Variants in SORCS2 observed in about 807,000 individuals in gnomAD.
SORCS2 encodes the protein VPS10 domain-containing receptor SorCS2.
In SORCS2, 100 loss-of-function variants were observed where a neutral mutation model predicts 141.6. That is an observed-to-expected ratio of 0.71 (90% confidence interval 0.60 to 0.83). The LOEUF (loss-of-function observed/expected upper bound fraction) is 0.83, where lower values mean the gene tolerates loss of function less well. Ranked by LOEUF, SORCS2 falls within the 40% of genes least tolerant of loss-of-function variation. The probability of loss-of-function intolerance (pLI) is 0.00; values close to 1 mark genes in which losing one functional copy is unlikely to be tolerated. For synonymous variants in SORCS2, 789 were observed against 676.9 expected (o/e 1.17, Z -2.57); for missense variants, 1,646 against 1,560.2 (o/e 1.05, Z -0.93).
intron 11 of SORCS2, among the ~76,000 whole-genome samples, chr4:7,693,064 G>C (rs1381215816): frequency 1.3e-5 from 2 of 152,226 alleles, no homozygotes; most frequent in Non-Finnish European, 2.9e-5. Flanking sequence ...CCCTGGCCGA[G>C]GGTGCCGGTG....
chr4:7,247,963 G>A (rs187677989), intron 1 of SORCS2, among the ~76,000 whole-genome samples: 102 of 152,344 alleles, frequency 6.7e-4, no homozygotes, highest in African/African-American at 2.3e-3. Context: ...CTTACTCCAT[G>A]TATGACAGGA....
At chr4:7,716,120 T>C (rs529893304) in intron 17 of SORCS2, among the ~76,000 whole-genome samples, 1 of 152,348 alleles carries the variant, frequency 6.6e-6, no homozygotes, top group South Asian at 2.1e-4. Context: ...AGCCTTCAGC[T>C]TTAGGAGGTC....
chr4:7,426,789 G>A (rs538448318), intron 2 of SORCS2, among the ~76,000 whole-genome samples: 3 of 152,168 alleles, frequency 2.0e-5, no homozygotes, highest in South Asian at 2.1e-4. Flanking sequence ...CACAGGTAGC[G>A]AGTGGTGAGG....
rs1028381550 is a variant in SORCS2, at chr4:7,568,457, G to A, written c.648+36828G>A. Among the ~76,000 whole-genome samples, 3 of 152,262 alleles carry A rather than the reference G, an allele frequency of 2.0e-5. No homozygotes were observed. In the South Asian group the frequency reaches 6.2e-4, roughly 32 times the overall value. On this transcript the variant is annotated intron_variant, in intron 3 of 26. Transcript: ENST00000507866. The stretch of plus-strand genomic sequence containing the variant: ...CTGCTTAATGACAGGCTGTGCACTT[G>A]CGATGTGCTACATACTCTCTCCAGA...
At chr4:7,527,968 C>T (rs1191624703) in intron 2 of SORCS2, among the ~76,000 whole-genome samples, 3 of 152,112 alleles carry the variant, frequency 2.0e-5, no homozygotes, top group Admixed American at 6.5e-5. Context: ...ACTCTCTGGA[C>T]GTGCCTGTTG....
rs557686168 is a variant in SORCS2 at position 7,527,969 on chromosome 4, G to A, written c.549-3561G>A. On this transcript the variant is annotated intron_variant, in intron 2 of 26. Coordinates refer to ENST00000507866, the MANE Select transcript of SORCS2 (RefSeq NM_020777.3). ...TAGCGTCTCCCAGGACTCTCTGGAC[G>A]TGCCTGTTGGCATCGCTGCTCCCGG... Among the ~76,000 whole-genome samples the A allele has an allele frequency of 5.3e-5, 8 of 152,162 alleles. No homozygotes were observed. The South Asian group carries it at 1.2e-3, about 24-fold the overall frequency.
intron 1 of SORCS2, among the ~76,000 whole-genome samples, chr4:7,394,406 G>GA (rs35349716): frequency 0.14 from 20,271 of 145,622 alleles, 1,618 homozygotes; most frequent in Non-Finnish European, 0.17. Context: ...GGCAGGGTTG[G>GA]AGGGGGGGTG....
intron 3 of SORCS2, among the ~76,000 whole-genome samples, chr4:7,601,867 T>A (rs1717711513): frequency 1.3e-5 from 2 of 152,152 alleles, no homozygotes; most frequent in South Asian, 4.2e-4. Context: ...GGAGCGGTGA[T>A]GACTCTTAAC....
chr4:7,292,191 C>T (rs111622585), intron 1 of SORCS2, among the ~76,000 whole-genome samples: 9 of 151,492 alleles, frequency 5.9e-5, no homozygotes, highest in Admixed American at 5.9e-4. Flanking sequence ...CCACCATTGA[C>T]AGTCTGTTCA....
Position 7,377,371 on chromosome 4 carries a change from G to A in SORCS2, c.481-18917G>A, listed in dbSNP as rs575010545. On this transcript the variant is annotated intron_variant, in intron 1 of 26. Coordinates refer to ENST00000507866, the MANE Select transcript of SORCS2 (RefSeq NM_020777.3). Reference sequence around the variant, plus strand: ...GGGGCTGTGACGGGGGGGACAGATCGGACCTTCTGCCAAGGGTCTGATTCC... The same window carrying A: ...GGGGCTGTGACGGGGGGGACAGATCAGACCTTCTGCCAAGGGTCTGATTCC... Among the ~76,000 whole-genome samples, 21 of 151,950 alleles carry A rather than the reference G, an allele frequency of 1.4e-4. No homozygotes were observed. In the East Asian group the frequency reaches 3.9e-3, roughly 28 times the overall value.
chr4:7,679,214 G>C (rs1192903493), intron 9 of SORCS2, among the ~76,000 whole-genome samples: 1 of 152,164 alleles, frequency 6.6e-6, no homozygotes, highest in South Asian at 2.1e-4. Flanking sequence ...CACAACCCAG[G>C]TGTGAGGCAA....
At chr4:7,609,196 T>C (rs1462828641) in intron 3 of SORCS2, among the ~76,000 whole-genome samples, 3 of 152,166 alleles carry the variant, frequency 2.0e-5, no homozygotes, top group Non-Finnish European at 4.4e-5. Flanking sequence ...GTTGTTGTTG[T>C]TGTTTTTCAT....
At chr4:7,521,795 A>G (rs1394185053) in intron 2 of SORCS2, among the ~76,000 whole-genome samples, 2 of 152,108 alleles carry the variant, frequency 1.3e-5, no homozygotes, top group African/African-American at 2.4e-5. Flanking sequence ...GAATACATGT[A>G]CCCTCAAGAG....
intron 1 of SORCS2, among the ~76,000 whole-genome samples, chr4:7,307,884 G>T (rs1444563796): frequency 1.3e-5 from 2 of 151,986 alleles, no homozygotes; most frequent in East Asian, 3.9e-4. Context: ...GTATGTGCAT[G>T]GGTTTGTGTA....
intron 11 of SORCS2, among the ~76,000 whole-genome samples, chr4:7,695,340 A>ATGGG (rs1724543069): frequency 2.1e-5 from 1 of 46,556 alleles, no homozygotes; most frequent in Non-Finnish European, 3.9e-5. Flanking sequence ...GGATGGATGG[A>ATGGG]TGGATGGATT....
intron 1 of SORCS2, among the ~76,000 whole-genome samples, chr4:7,386,085 A>G (rs1393915501): frequency 6.6e-6 from 1 of 152,198 alleles, no homozygotes; most frequent in Non-Finnish European, 1.5e-5. Context: ...ACACATACAC[A>G]TATGCACACA....
chr4:7,444,627 G>T (rs1727876462), intron 2 of SORCS2, among the ~76,000 whole-genome samples: 1 of 152,190 alleles, frequency 6.6e-6, no homozygotes, highest in Admixed American at 6.5e-5. Flanking sequence ...TCCTCTGAGG[G>T]TAGTGGGGAG....
intron 1 of SORCS2, among the ~76,000 whole-genome samples, chr4:7,375,294 T>C (rs1722565709): frequency 6.6e-6 from 1 of 152,236 alleles, no homozygotes; most frequent in South Asian, 2.1e-4. Flanking sequence ...TGGACATTTA[T>C]ATCAGTGTCT....
At chr4:7,368,509 G>A (rs923865954) in intron 1 of SORCS2, among the ~76,000 whole-genome samples, 32 of 152,246 alleles carry the variant, frequency 2.1e-4, no homozygotes, top group South Asian at 4.2e-4. Context: ...AGCAGCCAGC[G>A]CACCCCATCA....
Sources: allele counts gnomAD v4.1 joint callset (sites outside exome capture counted in the v4.1 genomes callset), GRCh38; gene constraint gnomAD v4.1.1; transcripts MANE v1.5; gene names NCBI Gene and HGNC (gene_info 2026-07-23, HGNC 2026-07-21).